The following UVRAG variants were observed in gnomAD, a reference collection of about 807,000 sequenced individuals.
UVRAG encodes UV radiation resistance associated.
UVRAG carries 19 observed loss-of-function variants against 78.0 expected under a neutral mutation model. That is an observed-to-expected ratio of 0.24 (90% CI 0.17 to 0.36). The LOEUF (loss-of-function observed/expected upper bound fraction) is 0.36. UVRAG is among the 10% of genes least tolerant of loss of function. UVRAG has a pLI of 1.00. For missense variants in UVRAG, 740 were observed against 853.8 expected (o/e 0.87, Z 1.66); for synonymous variants, 323 against 324.6 (o/e 1.00, Z 0.05).
intron 12 of UVRAG, among the ~76,000 whole-genome samples, chr11:76,018,801 T>G (rs1565122552): frequency 6.6e-6 from 1 of 152,244 alleles, no homozygotes; most frequent in South Asian, 2.1e-4. Flanking sequence ...GGAGTTTGAT[T>G]GTTAAATGCT....
intron 7 of UVRAG, 97 bp from the exon 8 acceptor site, chr11:75,983,290 T>G (rs2135277002): frequency 8.5e-7 from 1 of 1,171,212 alleles, no homozygotes; most frequent in East Asian, 2.7e-5. Context: ...ATTAAAATGT[T>G]TTAAGCCATT....
chr11:75,866,422 G>A (rs931325178), intron 3 of UVRAG, among the ~76,000 whole-genome samples: 3 of 151,734 alleles, frequency 2.0e-5, no homozygotes, highest in Admixed American at 6.6e-5. Context: ...TGGTGCATAC[G>A]TGTAGTTCCC....
chr11:75,903,840 C>A (rs1438407460), intron 5 of UVRAG, among the ~76,000 whole-genome samples: 1 of 152,172 alleles, frequency 6.6e-6, no homozygotes, highest in Non-Finnish European at 1.5e-5. Context: ...ATGTATAATG[C>A]TATTTGCTTC....
chr11:76,070,438 G>C (rs1951280518), intron 13 of UVRAG, among the ~76,000 whole-genome samples: 1 of 152,084 alleles, frequency 6.6e-6, no homozygotes, highest in Non-Finnish European at 1.5e-5. Flanking sequence ...TTTGTCAAGA[G>C]AGTAGATTTC....
intron 13 of UVRAG, among the ~76,000 whole-genome samples, chr11:76,066,941 T>C (rs1029257307): frequency 2.0e-5 from 3 of 152,176 alleles, no homozygotes; most frequent in African/African-American, 7.2e-5. Context: ...TACGATGCTT[T>C]TGTTTTTGTT....
chr11:76,022,422 C>T (rs754475235), intron 12 of UVRAG, among the ~76,000 whole-genome samples: 5 of 151,884 alleles, frequency 3.3e-5, no homozygotes, highest in Non-Finnish European at 7.4e-5. Flanking sequence ...CTGTATATTT[C>T]TCCTTTCAAT....
chr11:76,141,404 C>T lies in UVRAG; in HGVS notation c.2091C>T (p.Ser697=), dbSNP rs636420. Residue 697 remains serine (S), a synonymous_variant, in exon 15 of 15, where the codon TCC becomes TCT. Coordinates refer to ENST00000356136, the MANE Select transcript of UVRAG (RefSeq NM_003369.4). ...GCTTCCGCCGGCCGCGCAGGAGTTCCGATAAGTGAAGTGAGCAGGTCAACA... is the reference window on the plus strand; with the variant it reads ...GCTTCCGCCGGCCGCGCAGGAGTTCTGATAAGTGAAGTGAGCAGGTCAACA... The part of the protein sequence containing the change: ...VSSFRRPRRS[S]DK 115,484 of 1,612,216 alleles carry T rather than the reference C, an allele frequency of 0.072. 5,768 individuals are homozygous for T. The highest frequency in any genetic ancestry group is 0.28 in the East Asian group (12,664 of 44,866).
At chr11:75,823,574 A>G (rs968234935) in intron 1 of UVRAG, among the ~76,000 whole-genome samples, 15 of 152,262 alleles carry the variant, frequency 9.9e-5, no homozygotes, top group East Asian at 5.8e-4. Flanking sequence ...GCTTCGAGCA[A>G]TCCTCCCGCC....
intron 13 of UVRAG, among the ~76,000 whole-genome samples, chr11:76,100,498 A>G (rs1157741962): frequency 6.6e-6 from 1 of 152,136 alleles, no homozygotes; most frequent in Non-Finnish European, 1.5e-5. Context: ...TGTTCTCCCC[A>G]TGAATTCTCT....
chr11:75,833,482 G>A (rs752071402), intron 1 of UVRAG, among the ~76,000 whole-genome samples: 2 of 152,062 alleles, frequency 1.3e-5, no homozygotes, highest in African/African-American at 2.4e-5. Context: ...TGTATTTCCC[G>A]GAATAGGGAT....
In UVRAG at chr11:76,139,431, C is replaced by T. The variant is rs11236624; in HGVS notation, c.1398-1280C>T. Among the ~76,000 whole-genome samples, 768 of 152,332 alleles carry T rather than the reference C, an allele frequency of 5.0e-3. 3 individuals carry two copies. Among genetic ancestry groups the T allele is most frequent in the African/African-American group, 0.018 (728 of 41,584 alleles). ...AAGGGCCTACTGGTCTTGCATCTGT[C>T]TCCCTACCCCAAGGCCAGGCACATA... On this transcript the variant is annotated intron_variant, in intron 14 of 14. Transcript: ENST00000356136.
intron 11 of UVRAG, among the ~76,000 whole-genome samples, chr11:76,014,159 T>G (rs1048385138): frequency 2.0e-5 from 3 of 152,248 alleles, no homozygotes; most frequent in African/African-American, 7.2e-5. Context: ...AAATCAACTT[T>G]TGGTTATTTT....
At chr11:76,116,150 C>A in intron 14 of UVRAG, 135 bp downstream of exon 14, 1 of 841,894 alleles carries the variant, frequency 1.2e-6, no homozygotes, top group Non-Finnish European at 1.8e-6. Flanking sequence ...AAATGAAAGG[C>A]GCCATCACAG....
At chr11:76,099,203 C>G (rs184318970) in intron 13 of UVRAG, among the ~76,000 whole-genome samples, 99 of 152,316 alleles carry the variant, frequency 6.5e-4, no homozygotes, top group Admixed American at 2.4e-3. Flanking sequence ...CTACCACACA[C>G]TTGGCATGAT....
chr11:75,892,963 A>G (rs1947249719), intron 5 of UVRAG, among the ~76,000 whole-genome samples: 1 of 152,122 alleles, frequency 6.6e-6, no homozygotes, highest in Non-Finnish European at 1.5e-5. Flanking sequence ...GTGGATCACA[A>G]GGTCAGGCAT....
chr11:75,828,727 GTGTGTATATATATATA>G (rs1945577752), intron 1 of UVRAG, among the ~76,000 whole-genome samples: 2 of 118,232 alleles, frequency 1.7e-5, no homozygotes, highest in African/African-American at 8.2e-5. Flanking sequence ...ATATATGTGT[GTGTGTATATATATATA>G]TATACACACA....
intron 13 of UVRAG, among the ~76,000 whole-genome samples, chr11:76,095,440 G>A (rs1951770674): frequency 6.6e-6 from 1 of 151,576 alleles, no homozygotes; most frequent in African/African-American, 2.4e-5. Context: ...AGCTAATTAA[G>A]CCATTAAAAA....
chr11:75,942,062 C>G (rs1233014892), intron 6 of UVRAG: 1 of 152,104 alleles, frequency 6.6e-6, no homozygotes, highest in Non-Finnish European at 1.5e-5. Flanking sequence ...AGTTATAATT[C>G]AGTTTTGAAT....
rs1305755788 is a variant in UVRAG at position 76,140,999 on chromosome 11, G to C, written c.1686G>C (p.Lys562Asn). The C allele has an allele frequency of 6.2e-7, 1 of 1,614,030 alleles. No individual in the cohort carries two copies. Among genetic ancestry groups the C allele is most frequent in the South Asian group, 1.1e-5 (1 of 91,076 alleles). ...CCTTGGACTTCTCCAAAGAAAACAA[G>C]AAAAAAGGAGAGGATCTAGTTGGCA... ...DTSLDFSKEN[K>N]KKGEDLVGSL... is the part of the protein sequence containing the mutation. The change falls in exon 15 of 15, where the codon AAG becomes AAC. Residue 562 changes from lysine to asparagine, a missense_variant. Physicochemically the swap from Lys to Asn is moderately conservative, Grantham distance 94. Coordinates refer to ENST00000356136, the MANE Select transcript of UVRAG (RefSeq NM_003369.4).
Sources: allele counts gnomAD v4.1 joint callset (sites outside exome capture counted in the v4.1 genomes callset), GRCh38; gene constraint gnomAD v4.1.1; transcripts MANE v1.5; gene names NCBI Gene and HGNC (gene_info 2026-07-23, HGNC 2026-07-21).